The following RNF123 variants were observed in gnomAD, a reference collection of about 807,000 sequenced individuals.
The protein encoded by RNF123 is E3 ubiquitin-protein ligase RNF123.
A neutral mutation model predicts 168.5 loss-of-function variants in RNF123; 86 were observed. The ratio of observed to expected loss-of-function variants is 0.51; its 90% CI spans 0.43 to 0.61. The LOEUF is 0.61. Ranked by LOEUF, RNF123 falls within the 20% of genes least tolerant of loss-of-function variation. The pLI is 0.00. For synonymous variants in RNF123, 666 were observed against 689.1 expected, an observed-to-expected ratio of 0.97 and a Z score of 0.52; for missense variants, 1,419 against 1,729.7, an observed-to-expected ratio of 0.82 and a Z score of 3.19.
chr3:49,693,036 G>GTTT (rs1199106015), intron 3 of RNF123, among the ~76,000 whole-genome samples: 1 of 141,934 alleles, frequency 7.0e-6, no homozygotes, highest in Non-Finnish European at 1.6e-5. Context: ...TTTTAGTTTA[G>GTTT]TTTTTTTTTT....
chr3:49,691,468 C>G lies in RNF123; in HGVS notation c.126C>G (p.Ile42Met). 1.9e-6 allele frequency: 3 copies of G among 1,614,232 alleles called. No individual in the cohort carries two copies. The highest frequency in any genetic ancestry group is 8.5e-7 in the Non-Finnish European group (1 of 1,180,038). The change falls in exon 3 of 39, where the codon ATC (isoleucine) becomes ATG (methionine). Residue 42 changes from isoleucine to methionine, a missense_variant. Coordinates refer to ENST00000327697, the MANE Select transcript of RNF123 (RefSeq NM_022064.5). Reference sequence around the variant, plus strand: ...TGCTGAATGACTACCTGAACCGCATCTTTTCCTCTTCTGAACATGCACCCC... The same window carrying G: ...TGCTGAATGACTACCTGAACCGCATGTTTTCCTCTTCTGAACATGCACCCC... ...EKLLNDYLNR[I>M]FSSSEHAPPA...
intron 3 of RNF123, among the ~76,000 whole-genome samples, chr3:49,695,489 T>C (rs1018494114): frequency 6.6e-6 from 1 of 152,252 alleles, no homozygotes; most frequent in African/African-American, 2.4e-5. Flanking sequence ...TGCTACTAGC[T>C]GAGCACCCCG....
At chr3:49,719,402 C>T in intron 35 of RNF123, 11 of 1,613,632 alleles carry the variant, frequency 6.8e-6, no homozygotes, top group Non-Finnish European at 9.3e-6. Context: ...CCCTCGGAGT[C>T]CGGGGTGCCT....
In RNF123 at chr3:49,715,885, G is replaced by A. The variant is rs940723974; in HGVS notation, c.3214G>A (p.Ala1072Thr). The change falls in exon 33 of 39, where the codon GCC becomes ACC. Residue 1072 changes from alanine to threonine, a missense_variant. Coordinates refer to ENST00000327697, the MANE Select transcript of RNF123 (RefSeq NM_022064.5). ...FVDSRQLKVC[A>T]TCFDLSVSLL... ...GGACAGCCGGCAGCTCAAGGTATGTGCCACCTGCTTTGACCTCTCGGTCAG... is the reference window on the plus strand; with the variant it reads ...GGACAGCCGGCAGCTCAAGGTATGTACCACCTGCTTTGACCTCTCGGTCAG... 8 of 1,614,006 alleles carry A rather than the reference G, an allele frequency of 5.0e-6. No homozygotes were observed. The highest frequency in any genetic ancestry group is 5.9e-6 in the Non-Finnish European group (7 of 1,180,046).
chr3:49,716,449 C>T lies in RNF123; in HGVS notation c.3472C>T (p.Gln1158Ter). The change falls in exon 35 of 39, where the codon CAG (glutamine) becomes TAG (stop). Residue 1158 changes from glutamine to a stop codon, truncating the protein, a stop_gained. Coordinates refer to ENST00000327697, the MANE Select transcript of RNF123 (RefSeq NM_022064.5). LOFTEE classifies it high-confidence loss of function. The stretch of plus-strand genomic sequence containing the variant: ...GGTGGCAGTGACGGGCATCCTGGTG[C>T]AGCTCCTGGTGCGTGGCCCAGCCTC... ...ILVAVTGILV[Q>*]LLVRGPASER... 1 of 1,614,066 alleles carries T rather than the reference C, an allele frequency of 6.2e-7. No homozygotes were observed. The highest frequency in any genetic ancestry group is 8.5e-7 in the Non-Finnish European group (1 of 1,179,978).
chr3:49,718,916 G>A, intron 35 of RNF123: 2 of 1,613,750 alleles, frequency 1.2e-6, no homozygotes, highest in South Asian at 1.1e-5. Flanking sequence ...GTAAGCAGGT[G>A]GGTGGCGCTC....
At chr3:49,706,925 C>G in intron 26 of RNF123, 27 bp downstream of exon 26, 1 of 1,592,584 alleles carries the variant, frequency 6.3e-7, no homozygotes, top group Non-Finnish European at 8.6e-7. Context: ...GCTGCCCCTT[C>G]CCGACCTCAC....
At chr3:49,704,168 G>A (rs2054466123) in intron 21 of RNF123, among the ~76,000 whole-genome samples, 1 of 152,200 alleles carries the variant, frequency 6.6e-6, no homozygotes, top group Non-Finnish European at 1.5e-5. Flanking sequence ...TGGGCGGGGG[G>A]CAGCGAAGGC....
At chr3:49,716,500 C>T (rs2108201275) in intron 35 of RNF123, 23 bp downstream of exon 35, 1 of 1,606,606 alleles carries the variant, frequency 6.2e-7, no homozygotes, top group South Asian at 1.1e-5. Flanking sequence ...GACCGTGGGC[C>T]CCTGTGGGAG....
intron 26 of RNF123, 40 bp downstream of exon 26, chr3:49,706,938 T>C (rs765200633): frequency 1.9e-6 from 3 of 1,565,722 alleles, no homozygotes; most frequent in East Asian, 4.5e-5. Context: ...GACCTCACTG[T>C]CTGGCCACGG....
chr3:49,714,218 G>T (rs758746374), intron 31 of RNF123, 44 bp downstream of exon 31: 7 of 1,556,898 alleles, frequency 4.5e-6, no homozygotes, highest in Non-Finnish European at 2.7e-6. Context: ...GCAGGCGGGG[G>T]CGCTTACCTC....
At chr3:49,700,800 T>C in intron 15 of RNF123, 91 bp downstream of exon 15, 2 of 1,370,534 alleles carry the variant, frequency 1.5e-6, no homozygotes, top group Non-Finnish European at 2.1e-6. Flanking sequence ...AGGCCAGGGG[T>C]CCCCTGGGAG....
intron 35 of RNF123, chr3:49,717,820 G>C: frequency 1.0e-6 from 1 of 988,762 alleles, no homozygotes; most frequent in South Asian, 1.7e-5. Flanking sequence ...ATTGTGTTTC[G>C]AGGCCCATAC....
intron 12 of RNF123, 31 bp from the exon 13 acceptor site, chr3:49,700,196 A>G (rs754912512): frequency 1.9e-6 from 3 of 1,612,460 alleles, no homozygotes; most frequent in Non-Finnish European, 1.7e-6. Flanking sequence ...GTGGAAGGCC[A>G]CCACCTCACC....
chr3:49,702,648 T>G lies in RNF123; in HGVS notation c.1645T>G (p.Cys549Gly). 1 of 1,614,252 alleles carries G rather than the reference T, an allele frequency of 6.2e-7. No homozygotes were observed. The highest frequency in any genetic ancestry group is 8.5e-7 in the Non-Finnish European group (1 of 1,180,034). ...GTGTCCACAGAACATGCCCATGCTCTGCCCCCCTGAGTACATGGTCTGCTT... is the reference window on the plus strand; with the variant it reads ...GTGTCCACAGAACATGCCCATGCTCGGCCCCCCTGAGTACATGGTCTGCTT... ...ASGRGNMPML[C>G]PPEYMVCFLH... The change falls in exon 20 of 39, where the codon TGC becomes GGC. Residue 549 changes from cysteine to glycine, a missense_variant. Physicochemically the swap from Cys to Gly is radical, Grantham distance 159. This residue lies in a region of RNF123 where 349 missense variants were observed against 344.9 expected (regional missense o/e 1.01). Transcript: ENST00000327697.
At position 49,713,964 on chromosome 3, in the gene RNF123, C is replaced by G; in HGVS notation, c.2892C>G (p.Ala964=). ...CGCCCTATGAGCAGCGGCCCTGGGC[C>G]CAGACCAACTGGATCCTGGTGCGGC... ...LLAPYEQRPW[A]QTNWILVRLW... is the part of the protein sequence containing the mutation. The change falls in exon 30 of 39, where the codon GCC becomes GCG. Residue 964 remains alanine, a synonymous_variant. Coordinates refer to ENST00000327697, the MANE Select transcript of RNF123 (RefSeq NM_022064.5). 3 of 1,614,060 alleles carry G rather than the reference C, an allele frequency of 1.9e-6. No homozygotes were observed. The South Asian group carries it at 3.3e-5, about 18-fold the overall frequency.
In RNF123 at chr3:49,716,163, C is replaced by T. The variant is rs186858183; in HGVS notation, c.3401C>T (p.Thr1134Ile). Residue 1134 changes from threonine to isoleucine, a missense_variant, in exon 34 of 39, where the codon ACC (threonine) becomes ATC (isoleucine). Physicochemically the swap from Thr to Ile is moderately conservative, Grantham distance 89. Transcript: ENST00000327697. The stretch of plus-strand genomic sequence containing the variant: ...AGGAACCTGTTTGATCGTGTGGTCA[C>T]CCTACGGCTGCCTGGTGAGGACCTA... ...AERNLFDRVVTLRLPGLESVD... is the reference protein window; with the variant it reads ...AERNLFDRVVILRLPGLESVD... 1 of 1,613,598 alleles carries T rather than the reference C, an allele frequency of 6.2e-7. No individual in the cohort carries two copies.
intron 17 of RNF123, 75 bp downstream of exon 17, chr3:49,701,985 C>G (rs1043893494): frequency 1.4e-5 from 22 of 1,550,276 alleles, no homozygotes; most frequent in Non-Finnish European, 1.8e-5. Context: ...GTGCCCATGT[C>G]TAGGTGGGAC....
intron 26 of RNF123, among the ~76,000 whole-genome samples, chr3:49,708,174 G>C (rs2080069891): frequency 6.6e-6 from 1 of 152,106 alleles, no homozygotes; most frequent in South Asian, 2.1e-4. Flanking sequence ...TTGTTGGCGT[G>C]GCTGGTCTCA....
Sources: gnomAD v4.1 joint callset for allele counts (sites outside exome capture counted in the v4.1 genomes callset) on GRCh38, gnomAD v4.1.1 for gene constraint, gnomAD v4.1.1 regional missense constraint, MANE v1.5 for transcripts, NCBI Gene and HGNC (gene_info 2026-07-23, HGNC 2026-07-21) for gene names.